LYPLA1: variants seen among roughly 807,000 people sequenced by gnomAD.
LYPLA1 encodes acyl-protein thioesterase 1.
Under a neutral mutation model 34.0 loss-of-function variants are expected in LYPLA1, and 17 were observed. The ratio of observed to expected loss-of-function variants is 0.50; its 90% CI spans 0.34 to 0.75. LYPLA1 has a LOEUF of 0.75. Among genes scored for constraint, LYPLA1 ranks in the 30% least tolerant of loss-of-function variants. The pLI, the probability that LYPLA1 is intolerant of heterozygous loss-of-function variation, is 0.01. For missense variants in LYPLA1, 203 were observed against 288.8 expected, an observed-to-expected ratio of 0.70 and a Z score of 2.15; for synonymous variants, 98 against 100.8, an observed-to-expected ratio of 0.97 and a Z score of 0.17.
At chr8:54,073,331 A>G (rs906664150) in intron 2 of LYPLA1, 2 of 856,638 alleles carry the variant, frequency 2.3e-6, no homozygotes, top group African/African-American at 3.3e-5. Flanking sequence ...TGTGAGCATG[A>G]TGTGTGCAAA....
At chr8:54,066,235 C>T (rs1398297192) in intron 2 of LYPLA1, among the ~76,000 whole-genome samples, 1 of 151,994 alleles carries the variant, frequency 6.6e-6, no homozygotes, top group African/African-American at 2.4e-5. Context: ...TCACACCCGG[C>T]CTAAAAATAT....
chr8:54,067,752 G>A (rs898340186), intron 2 of LYPLA1, among the ~76,000 whole-genome samples: 5 of 148,440 alleles, frequency 3.4e-5, no homozygotes, highest in Non-Finnish European at 7.4e-5. Context: ...CTGGAGTGCA[G>A]TGGCGCGATC....
chr8:54,054,703 A>C (rs147950655), intron 6 of LYPLA1: 1 of 173,630 alleles, frequency 5.8e-6, no homozygotes, highest in Non-Finnish European at 1.2e-5. Flanking sequence ...ATTCATACCT[A>C]AAACCTGTAA....
intron 6 of LYPLA1, chr8:54,054,736 A>G (rs952264729): frequency 3.0e-5 from 6 of 201,116 alleles, no homozygotes; most frequent in African/African-American, 1.4e-4. Flanking sequence ...AAGGGAAGAA[A>G]TTCTCTTGTC....
intron 2 of LYPLA1, among the ~76,000 whole-genome samples, chr8:54,074,662 A>G (rs893359434): frequency 1.3e-5 from 2 of 152,258 alleles, no homozygotes; most frequent in African/African-American, 4.8e-5. Flanking sequence ...CATTACCTGG[A>G]AAGAAGCTAA....
At chr8:54,086,770 AGC>A (rs1808823815) in intron 2 of LYPLA1, among the ~76,000 whole-genome samples, 1 of 152,022 alleles carries the variant, frequency 6.6e-6, no homozygotes, top group South Asian at 2.1e-4. Flanking sequence ...GTATGGTTTG[AGC>A]CTGGAAGGTT....
At chr8:54,084,845 A>G (rs1201520397) in intron 2 of LYPLA1, among the ~76,000 whole-genome samples, 1 of 152,240 alleles carries the variant, frequency 6.6e-6, no homozygotes, top group Admixed American at 6.5e-5. Flanking sequence ...CGGATTCAAG[A>G]AACAAAATCT....
chr8:54,057,590 T>A (rs1224961609), intron 5 of LYPLA1, among the ~76,000 whole-genome samples: 1 of 152,194 alleles, frequency 6.6e-6, no homozygotes, highest in Admixed American at 6.6e-5. Context: ...ATGTTCTCAC[T>A]TTTTTGTGGG....
chr8:54,065,883 G>C, intron 2 of LYPLA1, 70 bp from the exon 3 acceptor site: 2 of 975,234 alleles, frequency 2.1e-6, no homozygotes, highest in South Asian at 2.7e-5. Context: ...TAGCAGAAGA[G>C]TAGCTTTAAA....
chr8:54,075,392 A>G (rs1249789988), intron 2 of LYPLA1, among the ~76,000 whole-genome samples: 1 of 152,242 alleles, frequency 6.6e-6, no homozygotes, highest in Non-Finnish European at 1.5e-5. Context: ...TTATCAGATG[A>G]GCCAGATGCC....
chr8:54,076,805 C>G (rs1807940466), intron 2 of LYPLA1, among the ~76,000 whole-genome samples: 1 of 152,122 alleles, frequency 6.6e-6, no homozygotes, highest in Admixed American at 6.6e-5. Context: ...ATAAGGGACA[C>G]TTTTAATTAA....
intron 6 of LYPLA1, among the ~76,000 whole-genome samples, chr8:54,054,281 C>T (rs1465492652): frequency 6.6e-6 from 1 of 152,142 alleles, no homozygotes; most frequent in East Asian, 1.9e-4. Flanking sequence ...CCGTGCCTGG[C>T]CTGGATCATT....
chr8:54,073,621 A>G (rs552104276), intron 2 of LYPLA1: 2 of 506,974 alleles, frequency 3.9e-6, no homozygotes, highest in South Asian at 4.6e-5. Flanking sequence ...TGCAAATTTC[A>G]TGACCAGTAA....
intron 5 of LYPLA1, among the ~76,000 whole-genome samples, chr8:54,057,342 T>C (rs1451644878): frequency 6.6e-6 from 1 of 152,152 alleles, no homozygotes; most frequent in Non-Finnish European, 1.5e-5. Flanking sequence ...ATCAGTATAT[T>C]GAAGAGATAT....
chr8:54,045,733 A>C (rs1332955529), downstream of LYPLA1: 1 of 152,258 alleles, frequency 6.6e-6, no homozygotes, highest in African/African-American at 2.4e-5. Flanking sequence ...TAACTGACTT[A>C]TGACACTAAT....
intron 2 of LYPLA1, among the ~76,000 whole-genome samples, chr8:54,083,105 CA>C (rs1333866874): frequency 2.0e-5 from 3 of 152,124 alleles, no homozygotes; most frequent in East Asian, 3.9e-4. Context: ...ATTAATGTCA[CA>C]AAAATCTTTT....
rs116244653 is a variant in LYPLA1, at chr8:54,088,528, A to G, written c.101+12380T>C. Among the ~76,000 whole-genome samples, 492 of 152,356 alleles carry G rather than the reference A, an allele frequency of 3.2e-3. 2 individuals are homozygous for G. Among genetic ancestry groups the G allele is most frequent in the African/African-American group, 0.011 (471 of 41,584 alleles). Reference sequence around the variant, plus strand: ...ATTTATCTTGGCAGAAGTGTAAAAAAGTGCAGCTACTATGAAAACTGTCCT... The same window carrying G: ...ATTTATCTTGGCAGAAGTGTAAAAAGGTGCAGCTACTATGAAAACTGTCCT... On this transcript the variant is annotated intron_variant, in intron 2 of 8. Transcript: ENST00000316963.
chr8:54,061,183 C>A (rs551934922), intron 5 of LYPLA1, among the ~76,000 whole-genome samples: 1 of 151,742 alleles, frequency 6.6e-6, no homozygotes, highest in African/African-American at 2.4e-5. Flanking sequence ...TGGGTTCAAG[C>A]GATTCTCCTG....
At chr8:54,100,973 C>G in intron 1 of LYPLA1, 34 bp from the exon 2 acceptor site, 1 of 1,567,158 alleles carries the variant, frequency 6.4e-7, no homozygotes, top group Non-Finnish European at 8.8e-7. Flanking sequence ...TAAGCAATGC[C>G]TAAATAAGCC....
Sources: allele counts gnomAD v4.1 joint callset (sites outside exome capture counted in the v4.1 genomes callset), GRCh38; gene constraint gnomAD v4.1.1; transcripts MANE v1.5; gene names NCBI Gene and HGNC (gene_info 2026-07-23, HGNC 2026-07-21).